FAP: variants seen among roughly 807,000 people sequenced by gnomAD.
FAP encodes prolyl endopeptidase FAP.
Under a neutral mutation model 126.5 loss-of-function variants are expected in FAP, and 110 were observed. That is an observed-to-expected ratio of 0.87 (90% confidence interval 0.74 to 1.02). FAP has a LOEUF of 1.02. Ranked by LOEUF, FAP falls within the 50% of genes least tolerant of loss-of-function variation. FAP has a pLI of 0.00. For synonymous variants in FAP, 334 were observed against 297.3 expected (o/e 1.12, Z -1.27); for missense variants, 919 against 909.2 (o/e 1.01, Z -0.14).
chr2:162,187,709 A>T (rs41474547), intron 20 of FAP, among the ~76,000 whole-genome samples: 6,259 of 152,190 alleles, frequency 0.041, 667 homozygotes, highest in Admixed American at 0.24. Context: ...ACCATGGCCG[A>T]CTGATAGCTA....
intron 2 of FAP, among the ~76,000 whole-genome samples, chr2:162,231,773 A>G (rs1482513994): frequency 3.9e-5 from 6 of 152,198 alleles, no homozygotes; most frequent in Admixed American, 6.5e-5. Flanking sequence ...TTGATTGTCT[A>G]GTACTGAAAA....
chr2:162,170,919 T>C lies in FAP; in HGVS notation c.*60A>G. On this transcript the variant is annotated 3_prime_UTR_variant, in exon 26 of 26. Coordinates refer to ENST00000188790, the MANE Select transcript of FAP (RefSeq NM_004460.5). ...AACATAAAAAATAAAATAAGCAAAC[T>C]GTCTGAGGGGTTTATATAAGGTTTT... The C allele has an allele frequency of 8.3e-7, 1 of 1,209,768 alleles. No homozygotes were observed. The highest frequency in any genetic ancestry group is 1.2e-6 in the Non-Finnish European group (1 of 829,480). 74.9% of individuals were successfully genotyped at this position (1,209,768 alleles called of 1,614,324 possible).
rs757373606 is a variant in FAP at position 162,225,469 on chromosome 2, T to G, written c.285+14A>C. ...CAAAGGTTTCTGAGGGGGAAGATGATGTTGGATACATACCATGGTTCTATT... is the reference window on the plus strand; with the variant it reads ...CAAAGGTTTCTGAGGGGGAAGATGAGGTTGGATACATACCATGGTTCTATT... On this transcript the variant is annotated intron_variant, in intron 4 of 25. Transcript: ENST00000188790. The G allele has an allele frequency of 1.9e-6, 3 of 1,592,482 alleles. No homozygotes were observed. The highest frequency in any genetic ancestry group is 2.6e-6 in the Non-Finnish European group (3 of 1,168,712).
rs1287451779 is a variant in FAP, at chr2:162,227,647, A to T, written c.92-1026T>A. Among the ~76,000 whole-genome samples, 7 of 152,224 alleles carry T rather than the reference A, an allele frequency of 4.6e-5. No individual in the cohort carries two copies. In the East Asian group the frequency reaches 7.7e-4, roughly 17 times the overall value. On this transcript the variant is annotated intron_variant, in intron 2 of 25. Transcript: ENST00000188790. ...GCTGTTTAACTTTATCCTGCTATAA[A>T]ACTCGTAGCCCTCCATGACTCTTCC...
At chr2:162,198,039 A>G in intron 16 of FAP, 1 of 616,624 alleles carries the variant, frequency 1.6e-6, no homozygotes, top group South Asian at 1.9e-5. Context: ...CACATGCTCA[A>G]GATATAGATA....
chr2:162,229,484 C>A (rs1689802712), intron 2 of FAP, among the ~76,000 whole-genome samples: 1 of 152,116 alleles, frequency 6.6e-6, no homozygotes, highest in East Asian at 1.9e-4. Flanking sequence ...TAATGAAGTT[C>A]ATCAGTTATA....
Position 162,216,030 on chromosome 2 carries a change from C to A in FAP, c.763-29G>T, listed in dbSNP as rs370470786. The stretch of plus-strand genomic sequence containing the variant: ...CCAAGAAAATTGAGATATATAAGCT[C>A]ATAAAATTCCAATTATCACCAACAT... On this transcript the variant is annotated intron_variant, in intron 9 of 25. Coordinates refer to ENST00000188790, the MANE Select transcript of FAP (RefSeq NM_004460.5). 4.0e-6 allele frequency: 6 copies of A among 1,488,664 alleles called. No individual in the cohort carries two copies. In the African/African-American group the frequency reaches 8.4e-5, roughly 21 times the overall value. 92.2% of individuals were successfully genotyped at this position (1,488,664 alleles called of 1,614,324 possible).
intron 21 of FAP, among the ~76,000 whole-genome samples, chr2:162,177,659 T>C (rs1466818072): frequency 6.6e-6 from 1 of 152,196 alleles, no homozygotes; most frequent in Non-Finnish European, 1.5e-5. Context: ...TCTTGTTTTG[T>C]CTTTTTCCAT....
chr2:162,171,137 T>A, intron 25 of FAP, 57 bp from the exon 26 acceptor site: 1 of 1,351,292 alleles, frequency 7.4e-7, no homozygotes. Context: ...TGCATTTAGC[T>A]TGGACTTTTT....
intron 19 of FAP, among the ~76,000 whole-genome samples, chr2:162,188,807 A>AT (rs1300259502): frequency 6.6e-6 from 1 of 152,086 alleles, no homozygotes; most frequent in African/African-American, 2.4e-5. Flanking sequence ...ATGATTTACA[A>AT]TATTTTTTTT....
At chr2:162,179,069 T>G (rs1281324172) in intron 21 of FAP, among the ~76,000 whole-genome samples, 1 of 152,174 alleles carries the variant, frequency 6.6e-6, no homozygotes, top group African/African-American at 2.4e-5. Context: ...TCCTCCACTT[T>G]GCAGCCAAGA....
intron 9 of FAP, 89 bp downstream of exon 9, chr2:162,217,897 A>G: frequency 9.8e-7 from 1 of 1,023,788 alleles, no homozygotes; most frequent in Non-Finnish European, 1.4e-6. Flanking sequence ...AAGCTCTCCA[A>G]ACTTGTTGAT....
chr2:162,233,985 C>T (rs922262498), intron 2 of FAP, among the ~76,000 whole-genome samples: 1 of 152,104 alleles, frequency 6.6e-6, no homozygotes, highest in African/African-American at 2.4e-5. Flanking sequence ...GTTGAATTGT[C>T]TTGGCATCCT....
chr2:162,205,812 T>G (rs1220503577), intron 12 of FAP, among the ~76,000 whole-genome samples: 1 of 152,306 alleles, frequency 6.6e-6, no homozygotes, highest in East Asian at 1.9e-4. Context: ...GTACCCGGCC[T>G]ATGTCTCCTT....
At chr2:162,224,624 T>A in intron 4 of FAP, 84 bp from the exon 5 acceptor site, 1 of 770,046 alleles carries the variant, frequency 1.3e-6, no homozygotes, top group Non-Finnish European at 2.1e-6. Flanking sequence ...AATATTATAT[T>A]ATCAACATAC....
chr2:162,197,276 CA>C (rs963943855), intron 16 of FAP, among the ~76,000 whole-genome samples: 1 of 152,076 alleles, frequency 6.6e-6, no homozygotes, highest in African/African-American at 2.4e-5. Flanking sequence ...CTTAGAAATA[CA>C]AAGATTAAAA....
intron 21 of FAP, among the ~76,000 whole-genome samples, chr2:162,180,752 G>A (rs1687668264): frequency 6.6e-6 from 1 of 152,132 alleles, no homozygotes; most frequent in South Asian, 2.1e-4. Flanking sequence ...TTTTAAAATA[G>A]GCTTTAACAA....
chr2:162,233,400 C>T (rs778214580), intron 2 of FAP, among the ~76,000 whole-genome samples: 6 of 151,998 alleles, frequency 3.9e-5, no homozygotes, highest in Admixed American at 6.6e-5. Context: ...TAGGCTTTAA[C>T]GGATGCCTAA....
chr2:162,196,633 T>G (rs1037579433), intron 16 of FAP, among the ~76,000 whole-genome samples: 3 of 152,088 alleles, frequency 2.0e-5, no homozygotes, highest in Non-Finnish European at 4.4e-5. Flanking sequence ...AAGCCTACCT[T>G]GCATGCTTTT....
Sources: gnomAD v4.1 joint callset for allele counts (sites outside exome capture counted in the v4.1 genomes callset) on GRCh38, gnomAD v4.1.1 for gene constraint, MANE v1.5 for transcripts, NCBI Gene and HGNC (gene_info 2026-07-23, HGNC 2026-07-21) for gene names.